Variants in OSBPL1A observed in about 807,000 individuals in gnomAD.
OSBPL1A encodes oxysterol binding protein like 1A, also known as oxysterol-binding protein-related protein 1.
A neutral mutation model predicts 137.1 loss-of-function variants in OSBPL1A; 80 were observed. The observed-to-expected ratio is 0.58, with a 90% confidence interval of 0.49 to 0.70. The LOEUF (loss-of-function observed/expected upper bound fraction) is 0.70. Among genes scored for constraint, OSBPL1A ranks in the 30% least tolerant of loss-of-function variants. The pLI is 0.00. For missense variants in OSBPL1A, 970 were observed against 1,129.4 expected (o/e 0.86, Z 2.02); for synonymous variants, 365 against 389.7 (o/e 0.94, Z 0.75).
chr18:24,263,972 T>C (rs2089506546), intron 15 of OSBPL1A, among the ~76,000 whole-genome samples: 1 of 152,146 alleles, frequency 6.6e-6, no homozygotes, highest in Non-Finnish European at 1.5e-5. Context: ...TACTTAATAC[T>C]ACTTGCAGAA....
intron 21 of OSBPL1A, among the ~76,000 whole-genome samples, chr18:24,175,146 A>AT (rs2086413631): frequency 7.1e-6 from 1 of 140,550 alleles, no homozygotes. Flanking sequence ...ACACATATAT[A>AT]TATATATATG....
intron 15 of OSBPL1A, among the ~76,000 whole-genome samples, chr18:24,270,931 CCTT>C (rs1038730211): frequency 4.6e-5 from 7 of 152,166 alleles, no homozygotes. Context: ...ATCTTCCTCT[CCTT>C]ACCACCCTCT....
At chr18:24,187,588 T>C (rs899238711) in intron 18 of OSBPL1A, among the ~76,000 whole-genome samples, 7 of 152,166 alleles carry the variant, frequency 4.6e-5, no homozygotes, top group Admixed American at 6.5e-5. Context: ...AATTCATTCA[T>C]ATAAAGCACT....
chr18:24,191,757 A>G (rs956955557), intron 18 of OSBPL1A, among the ~76,000 whole-genome samples: 1 of 152,178 alleles, frequency 6.6e-6, no homozygotes, highest in African/African-American at 2.4e-5. Flanking sequence ...CGGTAAATGG[A>G]GCTAATGGAA....
At chr18:24,274,106 T>C (rs565805949) in intron 15 of OSBPL1A, among the ~76,000 whole-genome samples, 2 of 151,886 alleles carry the variant, frequency 1.3e-5, no homozygotes, top group East Asian at 3.9e-4. Context: ...TGGTGGTGTG[T>C]GCCTGTAATC....
Position 24,363,318 on chromosome 18 carries a change from G to A in OSBPL1A, c.282+3574C>T, listed in dbSNP as rs78276253. On this transcript the variant is annotated intron_variant, in intron 4 of 27. Transcript: ENST00000319481. Reference sequence around the variant, plus strand: ...TTTCCTTGCTTTTCCCGTTGCTAGAGACTGTCCACCTTCCTTGGCTCACAG... The same window carrying A: ...TTTCCTTGCTTTTCCCGTTGCTAGAAACTGTCCACCTTCCTTGGCTCACAG... Among the ~76,000 whole-genome samples the A allele has an allele frequency of 9.7e-3, 1,480 of 152,212 alleles. 18 individuals are homozygous for A. Among genetic ancestry groups the A allele is most frequent in the African/African-American group, 0.028 (1,152 of 41,542 alleles).
intron 17 of OSBPL1A, among the ~76,000 whole-genome samples, chr18:24,208,300 T>C (rs529950502): frequency 1.4e-4 from 22 of 152,328 alleles, no homozygotes; most frequent in African/African-American, 5.3e-4. Context: ...GAAAAAAATC[T>C]TTACATAGTT....
intron 17 of OSBPL1A, among the ~76,000 whole-genome samples, chr18:24,205,224 TACTG>T (rs1349224490): frequency 6.6e-5 from 10 of 152,258 alleles, no homozygotes; most frequent in African/African-American, 2.4e-4. Context: ...CTCTGCCACT[TACTG>T]ACTGTGTGAA....
Position 24,219,261 on chromosome 18 carries a change from C to G in OSBPL1A, c.1601+5781G>C, listed in dbSNP as rs140457816. On this transcript the variant is annotated intron_variant, in intron 17 of 27. Transcript: ENST00000319481. The stretch of plus-strand genomic sequence containing the variant: ...TAAGCTATAATCACACCACTGCACT[C>G]CAGCCTGGGCAATGGGGTGAGACCC... 5.8e-4 allele frequency among the ~76,000 whole-genome samples: 89 copies of G among 152,194 alleles called. No homozygotes were observed. In the East Asian group the frequency reaches 7.2e-3, roughly 12 times the overall value.
At chr18:24,287,772 A>AAAAATAAATTAAAAT (rs372733907) in intron 14 of OSBPL1A, among the ~76,000 whole-genome samples, 4 of 136,174 alleles carry the variant, frequency 2.9e-5, no homozygotes, top group Middle Eastern at 7.4e-3. Flanking sequence ...ACTCTGTCTC[A>AAAAATAAATTAAAAT]AAAATAAAAT....
intron 2 of OSBPL1A, among the ~76,000 whole-genome samples, chr18:24,371,223 A>G (rs1473661348): frequency 6.6e-6 from 1 of 152,174 alleles, no homozygotes; most frequent in Non-Finnish European, 1.5e-5. Flanking sequence ...ACACACCATA[A>G]ACTCAGGATC....
intron 5 of OSBPL1A, among the ~76,000 whole-genome samples, chr18:24,339,119 C>G (rs955374898): frequency 2.0e-5 from 3 of 152,022 alleles, no homozygotes; most frequent in African/African-American, 7.2e-5. Context: ...TTACAGGTGT[C>G]CACTACTACG....
At chr18:24,337,325 T>C (rs928098038) in intron 5 of OSBPL1A, among the ~76,000 whole-genome samples, 2 of 149,718 alleles carry the variant, frequency 1.3e-5, no homozygotes, top group African/African-American at 4.9e-5. Flanking sequence ...TGAGGCCTTT[T>C]CTCTATCAAA....
intron 15 of OSBPL1A, among the ~76,000 whole-genome samples, chr18:24,272,682 T>C (rs1293083441): frequency 6.6e-6 from 1 of 152,232 alleles, no homozygotes; most frequent in East Asian, 1.9e-4. Context: ...TTTAACTCTG[T>C]CCTCATACTT....
At chr18:24,298,838 C>T (rs952128970) in intron 14 of OSBPL1A, among the ~76,000 whole-genome samples, 4 of 152,238 alleles carry the variant, frequency 2.6e-5, no homozygotes, top group East Asian at 1.9e-4. Flanking sequence ...TACTGAAGTT[C>T]GCACTATTAC....
chr18:24,167,645 TCA>T (rs2086177064), intron 24 of OSBPL1A, among the ~76,000 whole-genome samples, 200 bp from the exon 25 acceptor site: 2 of 152,332 alleles, frequency 1.3e-5, no homozygotes, highest in South Asian at 4.1e-4. Context: ...TGACCGATAC[TCA>T]GTAACGGTGT....
intron 14 of OSBPL1A, among the ~76,000 whole-genome samples, chr18:24,291,004 C>T (rs1401933498): frequency 1.3e-5 from 2 of 152,128 alleles, no homozygotes; most frequent in African/African-American, 4.8e-5. Context: ...ACCTTTACAG[C>T]CTCAACAGCG....
intron 2 of OSBPL1A, among the ~76,000 whole-genome samples, chr18:24,373,205 G>T (rs189876686): frequency 2.6e-4 from 39 of 152,152 alleles, no homozygotes; most frequent in African/African-American, 8.9e-4. Flanking sequence ...TCAAGCTTTG[G>T]AGTATTTACA....
At chr18:24,279,386 G>A (rs760911294) in intron 15 of OSBPL1A, among the ~76,000 whole-genome samples, 1 of 151,816 alleles carries the variant, frequency 6.6e-6, no homozygotes, top group African/African-American at 2.4e-5. Context: ...CCATGACTGC[G>A]CTACTGTACT....
Sources: allele counts gnomAD v4.1 joint callset (sites outside exome capture counted in the v4.1 genomes callset), GRCh38; gene constraint gnomAD v4.1.1; transcripts MANE v1.5; gene names NCBI Gene and HGNC (gene_info 2026-07-23, HGNC 2026-07-21).